The following LRRC37A2 variants were observed in gnomAD, a reference collection of about 807,000 sequenced individuals.
LRRC37A2 encodes leucine rich repeat containing 37 member A2, also known as leucine-rich repeat-containing protein 37A2.
LRRC37A2 carries 9 observed loss-of-function variants against 68.8 expected under a neutral mutation model. The ratio of observed to expected loss-of-function variants is 0.13; its 90% confidence interval spans 0.08 to 0.23. The LOEUF (loss-of-function observed/expected upper bound fraction) is 0.23. LRRC37A2 is among the 10% of genes least tolerant of loss of function. The probability of loss-of-function intolerance (pLI) is 1.00; values close to 1 mark genes in which losing one functional copy is unlikely to be tolerated. For missense variants in LRRC37A2, 168 were observed against 950.4 expected, an observed-to-expected ratio of 0.18 and a Z score of 10.82; for synonymous variants, 63 against 367.6, an observed-to-expected ratio of 0.17 and a Z score of 9.48.
the LRRC37A2 span, among the ~76,000 whole-genome samples, chr17:46,929,177 A>G: frequency 2.6e-5 from 4 of 152,184 alleles, 1 homozygote; most frequent in Non-Finnish European, 5.9e-5. Context: ...TTTGAGGTTT[A>G]TCACTTGCTG....
At chr17:46,793,216 G>A in the LRRC37A2 span, among the ~76,000 whole-genome samples, 1 of 139,850 alleles carries the variant, frequency 7.2e-6, no homozygotes, top group Non-Finnish European at 1.5e-5. Context: ...CAAGGCTGCA[G>A]TGAGCCAAGA....
the LRRC37A2 span, among the ~76,000 whole-genome samples, chr17:46,784,173 G>A: frequency 6.6e-6 from 1 of 152,176 alleles, no homozygotes; most frequent in African/African-American, 2.4e-5. Flanking sequence ...ATAAGGACTG[G>A]TAGCCGTTTG....
At chr17:46,793,552 A>C in the LRRC37A2 span, among the ~76,000 whole-genome samples, 1 of 152,144 alleles carries the variant, frequency 6.6e-6, no homozygotes. Flanking sequence ...AAGGCATTGC[A>C]GGAGGAGAGG....
At chr17:46,738,967 G>A in the LRRC37A2 span, among the ~76,000 whole-genome samples, 1 of 152,064 alleles carries the variant, frequency 6.6e-6, no homozygotes, top group African/African-American at 2.4e-5. Flanking sequence ...CAGGCACGGT[G>A]GCTCACACCC....
the LRRC37A2 span, among the ~76,000 whole-genome samples, chr17:46,492,728 CTG>C: frequency 7.5e-6 from 1 of 133,262 alleles, no homozygotes; most frequent in Non-Finnish European, 1.5e-5. Context: ...GAGTCTGGCT[CTG>C]TCACCCAGGC....
At chr17:46,709,813 A>G in the LRRC37A2 span, among the ~76,000 whole-genome samples, 1 of 152,178 alleles carries the variant, frequency 6.6e-6, no homozygotes, top group African/African-American at 2.4e-5. Flanking sequence ...TTCTTAGAAC[A>G]GCCATTTAGC....
the LRRC37A2 span, among the ~76,000 whole-genome samples, chr17:46,458,679 T>C: frequency 9.9e-6 from 1 of 100,560 alleles, no homozygotes; most frequent in Non-Finnish European, 2.3e-5. Context: ...GTAGCTGGGA[T>C]TACAGGCATG....
chr17:46,986,450 G>A, the LRRC37A2 span, among the ~76,000 whole-genome samples: 1 of 152,116 alleles, frequency 6.6e-6, no homozygotes, highest in Non-Finnish European at 1.5e-5. Flanking sequence ...GACATTCTGC[G>A]CTTCCAACTG....
At chr17:46,925,195 C>G in the LRRC37A2 span, among the ~76,000 whole-genome samples, 2 of 152,162 alleles carry the variant, frequency 1.3e-5, no homozygotes, top group African/African-American at 4.8e-5. Flanking sequence ...GTAGTTACTA[C>G]TCTGCTGTTA....
the LRRC37A2 span, chr17:46,931,189 A>G: frequency 6.4e-7 from 1 of 1,572,640 alleles, no homozygotes; most frequent in Non-Finnish European, 8.8e-7. Flanking sequence ...CCCCCTAACA[A>G]AAGGCAAAAT....
chr17:46,761,060 AAAAT>A, the LRRC37A2 span, among the ~76,000 whole-genome samples: 1 of 152,338 alleles, frequency 6.6e-6, no homozygotes. Flanking sequence ...ATGCAAAAGA[AAAAT>A]AAAAAGTCGA....
At chr17:46,802,432 A>AT in the LRRC37A2 span, among the ~76,000 whole-genome samples, 10 of 151,962 alleles carry the variant, frequency 6.6e-5, no homozygotes, top group Non-Finnish European at 1.0e-4. Flanking sequence ...TGCTCGGCTA[A>AT]TTTTTTTGTA....
chr17:47,036,723 C>T, the LRRC37A2 span, among the ~76,000 whole-genome samples: 1 of 150,926 alleles, frequency 6.6e-6, no homozygotes, highest in South Asian at 2.1e-4. Flanking sequence ...TCCAGTATCA[C>T]ACTGTGATTG....
the LRRC37A2 span, among the ~76,000 whole-genome samples, chr17:46,766,648 GC>G: frequency 6.6e-6 from 1 of 152,126 alleles, no homozygotes; most frequent in African/African-American, 2.4e-5. Context: ...TCCTAGATGG[GC>G]TGAGTGAGTC....
At chr17:46,823,883 G>A in the LRRC37A2 span, among the ~76,000 whole-genome samples, 1 of 150,584 alleles carries the variant, frequency 6.6e-6, no homozygotes, top group South Asian at 2.1e-4. Context: ...TTTCCACCTT[G>A]TAGGGAGCTG....
the LRRC37A2 span, chr17:46,872,501 C>G: frequency 1.4e-6 from 2 of 1,475,668 alleles, no homozygotes; most frequent in South Asian, 1.4e-5. Flanking sequence ...TGTCTCCCTC[C>G]TCTCGCTCTC....
At chr17:46,722,443 T>G in the LRRC37A2 span, among the ~76,000 whole-genome samples, 1 of 152,186 alleles carries the variant, frequency 6.6e-6, no homozygotes, top group Non-Finnish European at 1.5e-5. Context: ...TTTGTACAAT[T>G]TTACTTTTCT....
At chr17:46,921,033 C>T in the LRRC37A2 span, 4 of 151,948 alleles carry the variant, frequency 2.6e-5, no homozygotes, top group Non-Finnish European at 4.4e-5. Context: ...ATAATCTCCT[C>T]TGCTCAGCTC....
At chr17:46,944,390 G>A in the LRRC37A2 span, among the ~76,000 whole-genome samples, 1 of 152,146 alleles carries the variant, frequency 6.6e-6, no homozygotes, top group Admixed American at 6.5e-5. Context: ...TCTAAGAATG[G>A]GGGTAACACC....
Sources: gnomAD v4.1 joint callset for allele counts (sites outside exome capture counted in the v4.1 genomes callset) on GRCh38, gnomAD v4.1.1 for gene constraint, MANE v1.5 for transcripts, NCBI Gene and HGNC (gene_info 2026-07-23, HGNC 2026-07-21) for gene names.